POU1F1: variants seen among roughly 807,000 people sequenced by gnomAD.
The protein encoded by POU1F1 is POU class 1 homeobox 1.
POU1F1 carries 23 observed loss-of-function variants against 32.3 expected under a neutral mutation model. The ratio of observed to expected loss-of-function variants is 0.71; its 90% confidence interval spans 0.51 to 1.01. The LOEUF (loss-of-function observed/expected upper bound fraction) is 1.01. POU1F1 is among the 50% of genes least tolerant of loss of function. POU1F1 has a pLI of 0.00. For synonymous variants in POU1F1, 120 were observed against 115.6 expected, an observed-to-expected ratio of 1.04 and a Z score of -0.25; for missense variants, 323 against 341.6, an observed-to-expected ratio of 0.95 and a Z score of 0.43.
chr3:87,261,559 CACTTT>C (rs1302348476), intron 4 of POU1F1, among the ~76,000 whole-genome samples: 2 of 152,184 alleles, frequency 1.3e-5, no homozygotes, highest in African/African-American at 4.8e-5. Context: ...ATAATATCCT[CACTTT>C]ACTTTTGTTG....
chr3:87,273,580 C>T (rs1370297369), intron 1 of POU1F1, 162 bp from the exon 2 acceptor site: 11 of 1,339,474 alleles, frequency 8.2e-6, no homozygotes, highest in African/African-American at 4.5e-5. Flanking sequence ...AGTTACATGC[C>T]AATATGTTTT....
chr3:87,276,490 G>A lies in POU1F1; in HGVS notation c.-28C>T, dbSNP rs756681562. 6.8e-6 allele frequency: 11 copies of A among 1,611,726 alleles called. No individual in the cohort carries two copies. Among genetic ancestry groups the A allele is most frequent in the Non-Finnish European group, 9.3e-6 (11 of 1,178,674 alleles). On this transcript the variant is annotated 5_prime_UTR_variant, in exon 1 of 6. Transcript: ENST00000350375. ...CCACAAGAGAGTAGAAAAATAAGGA[G>A]AACCGCTGCTCCCCAAATCAGAGTT...
At position 87,264,441 on chromosome 3, in the gene POU1F1, G is replaced by T; in HGVS notation, c.286C>A (p.Pro96Thr). ...LSHGFPPIHQ[P>T]LLAEDPTAAD... Reference sequence around the variant, plus strand: ...GCTGTGGGGTCCTCTGCCAGAAGAGGCTGGTGTATAGGAGGAAATCCATGA... The same window carrying T: ...GCTGTGGGGTCCTCTGCCAGAAGAGTCTGGTGTATAGGAGGAAATCCATGA... The change falls in exon 3 of 6, where the codon CCT becomes ACT. Residue 96 changes from proline (P) to threonine (T), a missense_variant. Coordinates refer to ENST00000350375, the MANE Select transcript of POU1F1 (RefSeq NM_000306.4). 1 of 1,613,720 alleles carries T rather than the reference G, an allele frequency of 6.2e-7. No homozygotes were observed. The highest frequency in any genetic ancestry group is 8.5e-7 in the Non-Finnish European group (1 of 1,179,696).
In POU1F1 at chr3:87,276,506, A is replaced by C; in HGVS notation, c.-44T>G. On this transcript the variant is annotated 5_prime_UTR_variant, in exon 1 of 6. In the 5' UTR this introduces an upstream ATG that the reference lacks. Coordinates refer to ENST00000350375, the MANE Select transcript of POU1F1 (RefSeq NM_000306.4). ...AAATAAGGAGAACCGCTGCTCCCCA[A>C]ATCAGAGTTTTATTATATTACTGTC... 1.9e-6 allele frequency: 3 copies of C among 1,602,822 alleles called. No homozygotes were observed. Among genetic ancestry groups the C allele is most frequent in the Non-Finnish European group, 2.6e-6 (3 of 1,173,184 alleles).
chr3:87,273,630 T>C lies in POU1F1; in HGVS notation c.143-212A>G, dbSNP rs548237426. 6.1e-6 allele frequency: 5 copies of C among 822,966 alleles called. No homozygotes were observed. The East Asian group carries it at 8.1e-5, about 13-fold the overall frequency. 51.0% of individuals were successfully genotyped at this position (822,966 alleles called of 1,614,324 possible). ...AGTTCTCTGACGAGTAGGTTAAAACTAGGGGGGATCAAAGTTTGTCTCATG... is the reference window on the plus strand; with the variant it reads ...AGTTCTCTGACGAGTAGGTTAAAACCAGGGGGGATCAAAGTTTGTCTCATG... On this transcript the variant is annotated intron_variant, in intron 1 of 5. Transcript: ENST00000350375.
At chr3:87,263,885 A>T (rs544614461) in intron 3 of POU1F1, among the ~76,000 whole-genome samples, 1 of 152,088 alleles carries the variant, frequency 6.6e-6, no homozygotes, top group African/African-American at 2.4e-5. Context: ...TTATATATCC[A>T]TGAGATATCA....
Position 87,261,349 on chromosome 3 carries a change from G to A in POU1F1, c.605-16C>T. ...TTGTACAAAGCTATAATGTGGAAAA[G>A]AGAGATAATTACAAACACAAAGTAG... On this transcript the variant is annotated splice_polypyrimidine_tract_variant and intron_variant, in intron 4 of 5. Transcript: ENST00000350375. 1 of 1,566,416 alleles carries A rather than the reference G, an allele frequency of 6.4e-7. No individual in the cohort carries two copies. Among genetic ancestry groups the A allele is most frequent in the Non-Finnish European group, 8.7e-7 (1 of 1,143,474 alleles).
chr3:87,274,294 C>A (rs149196236), intron 1 of POU1F1, among the ~76,000 whole-genome samples: 2 of 152,132 alleles, frequency 1.3e-5, no homozygotes, highest in African/African-American at 4.8e-5. Context: ...CACAAATCAT[C>A]AAGTTGATAG....
chr3:87,260,263 A>G (rs772813773), intron 5 of POU1F1, among the ~76,000 whole-genome samples, 159 bp from the exon 6 acceptor site: 14 of 152,210 alleles, frequency 9.2e-5, no homozygotes, highest in Admixed American at 2.0e-4. Context: ...GGACAAATGT[A>G]TAATGTGTTA....
chr3:87,262,258 A>G (rs749656214), intron 3 of POU1F1, 23 bp from the exon 4 acceptor site: 4 of 1,613,568 alleles, frequency 2.5e-6, no homozygotes, highest in Non-Finnish European at 3.4e-6. Context: ...AATAAAGACC[A>G]TCAGCTCCAA....
intron 2 of POU1F1, among the ~76,000 whole-genome samples, chr3:87,272,431 T>A (rs1575982442): frequency 6.6e-6 from 1 of 152,186 alleles, no homozygotes; most frequent in Non-Finnish European, 1.5e-5. Context: ...GTTAGGTATA[T>A]CTCCTAAAGC....
chr3:87,273,542 C>CA, intron 1 of POU1F1, 124 bp from the exon 2 acceptor site: 18 of 1,480,798 alleles, frequency 1.2e-5, no homozygotes, highest in Non-Finnish European at 1.6e-5. Flanking sequence ...CGTTTTATTT[C>CA]AAAAATACAC....
At chr3:87,268,739 A>AC (rs566825132) in intron 2 of POU1F1, among the ~76,000 whole-genome samples, 25 of 152,208 alleles carry the variant, frequency 1.6e-4, no homozygotes, top group Non-Finnish European at 3.4e-4. Flanking sequence ...TGGACAGCAC[A>AC]CACACACATA....
At chr3:87,272,409 T>TCC (rs1706745006) in intron 2 of POU1F1, among the ~76,000 whole-genome samples, 1 of 152,222 alleles carries the variant, frequency 6.6e-6, no homozygotes, top group Non-Finnish European at 1.5e-5. Context: ...ACCCATTAAC[T>TCC]TGTCATTTAG....
intron 2 of POU1F1, among the ~76,000 whole-genome samples, chr3:87,267,332 C>G (rs1409114354): frequency 1.3e-5 from 2 of 152,126 alleles, no homozygotes; most frequent in Non-Finnish European, 2.9e-5. Flanking sequence ...AAGTAAATAA[C>G]TTGCCTCCAG....
At chr3:87,267,420 T>A (rs755925060) in intron 2 of POU1F1, among the ~76,000 whole-genome samples, 19 of 152,312 alleles carry the variant, frequency 1.2e-4, no homozygotes, top group Non-Finnish European at 2.6e-4. Flanking sequence ...TCAAAATCAT[T>A]GCCCGGTTCA....
intron 5 of POU1F1, among the ~76,000 whole-genome samples, chr3:87,260,322 C>A (rs942031425): frequency 6.6e-6 from 1 of 152,120 alleles, no homozygotes; most frequent in Non-Finnish European, 1.5e-5. Flanking sequence ...ACGAGAGTCA[C>A]GGAAAGCATT....
chr3:87,272,278 T>C (rs1251722564), intron 2 of POU1F1, among the ~76,000 whole-genome samples: 1 of 152,118 alleles, frequency 6.6e-6, no homozygotes, highest in Non-Finnish European at 1.5e-5. Context: ...GTAATAAAGA[T>C]AAAATATCAA....
chr3:87,276,526 A>G lies in POU1F1; in HGVS notation c.-64T>C, dbSNP rs1706831391. The G allele has an allele frequency of 6.4e-7, 1 of 1,567,200 alleles. No homozygotes were observed. The highest frequency in any genetic ancestry group is 1.4e-5 in the African/African-American group (1 of 73,708). ...CCCCAAATCAGAGTTTTATTATATT[A>G]CTGTCTCAAAGGGCCGATTCAATTC... On this transcript the variant is annotated 5_prime_UTR_variant, in exon 1 of 6. Transcript: ENST00000350375.
Sources: allele counts gnomAD v4.1 joint callset (sites outside exome capture counted in the v4.1 genomes callset), GRCh38; gene constraint gnomAD v4.1.1; transcripts MANE v1.5; gene names NCBI Gene and HGNC (gene_info 2026-07-23, HGNC 2026-07-21).